The following ARHGDIB variants were observed in gnomAD, a reference collection of about 807,000 sequenced individuals.
ARHGDIB encodes the protein Rho GDP dissociation inhibitor beta.
Under a neutral mutation model 22.6 loss-of-function variants are expected in ARHGDIB, and 20 were observed. That is an observed-to-expected ratio of 0.88 (90% CI 0.62 to 1.28). The LOEUF is 1.28. Among genes scored for constraint, ARHGDIB ranks in the 50% most tolerant of loss-of-function variants. The pLI, the probability that ARHGDIB is intolerant of heterozygous loss-of-function variation, is 0.00. For synonymous variants in ARHGDIB, 114 were observed against 96.1 expected, an observed-to-expected ratio of 1.19 and a Z score of -1.09; for missense variants, 254 against 245.4, an observed-to-expected ratio of 1.04 and a Z score of -0.23.
At chr12:14,945,199 A>G (rs908020315) in intron 4 of ARHGDIB, among the ~76,000 whole-genome samples, 2 of 152,196 alleles carry the variant, frequency 1.3e-5, no homozygotes, top group Non-Finnish European at 2.9e-5. Flanking sequence ...TGACCAAGAG[A>G]CCATCCTTGT....
At chr12:14,949,743 C>T in intron 3 of ARHGDIB, 59 bp downstream of exon 3, 1 of 1,525,946 alleles carries the variant, frequency 6.6e-7, no homozygotes, top group Admixed American at 1.7e-5. Flanking sequence ...GAGACAGAGA[C>T]CAAGTTTTCT....
chr12:14,947,053 A>T lies in ARHGDIB; in HGVS notation c.342+820T>A, dbSNP rs1307290493. Among the ~76,000 whole-genome samples the T allele has an allele frequency of 3.3e-5, 5 of 152,182 alleles. No individual in the cohort carries two copies. In the East Asian group the frequency reaches 9.6e-4, roughly 29 times the overall value. On this transcript the variant is annotated intron_variant, in intron 4 of 5. Coordinates refer to ENST00000228945, the MANE Select transcript of ARHGDIB (RefSeq NM_001175.7). ...ATCATATCCTGTACCTTGGGGAAAA[A>T]AGTTCCCAGTGTGCAAATAGAGAGA...
chr12:14,953,318 A>G (rs1053978351), intron 1 of ARHGDIB, among the ~76,000 whole-genome samples: 1 of 152,206 alleles, frequency 6.6e-6, no homozygotes, highest in African/African-American at 2.4e-5. Context: ...GGTGATCCCA[A>G]ACTAGCTCAT....
At chr12:14,948,095 T>A (rs528650483) in intron 3 of ARHGDIB, 146 bp from the exon 4 acceptor site, 2 of 433,390 alleles carry the variant, frequency 4.6e-6, no homozygotes, top group Non-Finnish European at 4.3e-6. Flanking sequence ...TTGAGTTTAG[T>A]CCTTGCACAC....
At chr12:14,949,164 T>C (rs1864104811) in intron 3 of ARHGDIB, among the ~76,000 whole-genome samples, 1 of 152,160 alleles carries the variant, frequency 6.6e-6, no homozygotes, top group Non-Finnish European at 1.5e-5. Context: ...TCTCCTCTCA[T>C]ATCCCCTCTG....
At chr12:14,948,639 T>A (rs563198113) in intron 3 of ARHGDIB, among the ~76,000 whole-genome samples, 1 of 152,220 alleles carries the variant, frequency 6.6e-6, no homozygotes, top group East Asian at 1.9e-4. Flanking sequence ...CTTTTCTTCA[T>A]GCATAGCAGC....
At chr12:14,953,192 G>A (rs970954543) in intron 1 of ARHGDIB, among the ~76,000 whole-genome samples, 3 of 152,164 alleles carry the variant, frequency 2.0e-5, no homozygotes, top group Admixed American at 2.0e-4. Context: ...ATTAAAGAGT[G>A]GAGGATACTG....
intron 1 of ARHGDIB, among the ~76,000 whole-genome samples, chr12:14,953,906 TTCTC>T (rs1174704376): frequency 2.7e-5 from 4 of 150,742 alleles, no homozygotes; most frequent in East Asian, 2.0e-4. Context: ...CCTTCTTTCT[TTCTC>T]TCTCTCTCTC....
Position 14,942,290 on chromosome 12 carries a change from G to C in ARHGDIB, c.*232C>G. 1 of 557,592 alleles carries C rather than the reference G, an allele frequency of 1.8e-6. No homozygotes were observed. Among genetic ancestry groups the C allele is most frequent in the Non-Finnish European group, 3.2e-6 (1 of 310,044 alleles). 34.5% of individuals were successfully genotyped at this position (557,592 alleles called of 1,614,324 possible). A position where few individuals can be genotyped will look rare whatever the true frequency, so the allele number is the denominator to read the frequency against. Reference sequence around the variant, plus strand: ...GATTGTGTACTGAGATGGAGACGTGGAAGATCTGGCCCTGATGGAGGATCA... The same window carrying C: ...GATTGTGTACTGAGATGGAGACGTGCAAGATCTGGCCCTGATGGAGGATCA... On this transcript the variant is annotated 3_prime_UTR_variant, in exon 6 of 6. Coordinates refer to ENST00000228945, the MANE Select transcript of ARHGDIB (RefSeq NM_001175.7).
chr12:14,949,993 T>C (rs1467644471), intron 2 of ARHGDIB, 108 bp from the exon 3 acceptor site: 1 of 1,005,806 alleles, frequency 9.9e-7, no homozygotes, highest in Non-Finnish European at 1.5e-6. Flanking sequence ...GATCTTTCTA[T>C]CTGGAGTAGA....
intron 1 of ARHGDIB, among the ~76,000 whole-genome samples, chr12:14,956,835 C>G (rs1864310305): frequency 6.6e-6 from 1 of 152,174 alleles, no homozygotes; most frequent in Non-Finnish European, 1.5e-5. Context: ...TCTTCTCAGG[C>G]TCAATTAAAA....
chr12:14,953,972 TC>T (rs1277843716), intron 1 of ARHGDIB, among the ~76,000 whole-genome samples: 15 of 150,886 alleles, frequency 9.9e-5, no homozygotes, highest in African/African-American at 3.7e-4. Flanking sequence ...CTTCCTTCCT[TC>T]CTTTCTTCTT....
At chr12:14,943,290 C>T (rs1259591174) in intron 5 of ARHGDIB, among the ~76,000 whole-genome samples, 2 of 151,998 alleles carry the variant, frequency 1.3e-5, no homozygotes, top group East Asian at 3.9e-4. Flanking sequence ...CTGTGGGTCC[C>T]AGGGATCAGT....
intron 1 of ARHGDIB, among the ~76,000 whole-genome samples, chr12:14,955,466 T>C (rs1401481035): frequency 6.6e-6 from 1 of 152,178 alleles, no homozygotes; most frequent in Non-Finnish European, 1.5e-5. Flanking sequence ...ATTGTATATA[T>C]TTAAGATGTA....
chr12:14,942,474 TGA>T lies in ARHGDIB; in HGVS notation c.*46_*47del, dbSNP rs1650585992. ...GGAGGGACAGGGTGCTGAACACGCCTGAGAGAATTCTTCCAGGTGGCAAGGGT... is the reference window on the plus strand; with the variant it reads ...GGAGGGACAGGGTGCTGAACACGCCTGAGAATTCTTCCAGGTGGCAAGGGT... On this transcript the variant is annotated 3_prime_UTR_variant, in exon 6 of 6. Transcript: ENST00000228945. 4.4e-6 allele frequency: 7 copies of T among 1,607,284 alleles called. 1 individual carries two copies. The highest frequency in any genetic ancestry group is 1.9e-4 in the Middle Eastern group (1 of 5,274).
In ARHGDIB at chr12:14,961,557, G is replaced by C. The variant is rs1401320637; in HGVS notation, c.-33C>G. On this transcript the variant is annotated 5_prime_UTR_variant, in exon 1 of 6. Transcript: ENST00000228945. ...CTTACATTCAGTGCTTCACGTCTCTGTCCGGGGTGCCTCTGTCTCTCAACT... is the reference window on the plus strand; with the variant it reads ...CTTACATTCAGTGCTTCACGTCTCTCTCCGGGGTGCCTCTGTCTCTCAACT... The C allele has an allele frequency of 2.6e-5, 4 of 152,232 alleles. No homozygotes were observed. The highest frequency in any genetic ancestry group is 5.9e-5 in the Non-Finnish European group (4 of 68,072). The allele number at this position is 152,232 out of a possible 1,614,324, so 9.4% of individuals were successfully genotyped here. A position where few individuals can be genotyped will look rare whatever the true frequency, so the allele number is the denominator to read the frequency against.
At position 14,959,541 on chromosome 12, in the gene ARHGDIB, T is replaced by G. The variant is rs1255543194; in HGVS notation, c.-13+1996A>C. On this transcript the variant is annotated intron_variant, in intron 1 of 5. Transcript: ENST00000228945. ...ATAGAAGGCACTCAATGAATGTTGG[T>G]TCTCCTTTTCTATCTGCATAATTTC... is the stretch of plus-strand genomic sequence containing the variant. Among the ~76,000 whole-genome samples, 3 of 152,174 alleles carry G rather than the reference T, an allele frequency of 2.0e-5. 1 individual carries two copies. The East Asian group carries it at 5.8e-4, about 29-fold the overall frequency.
chr12:14,949,160 C>G (rs1011803960), intron 3 of ARHGDIB, among the ~76,000 whole-genome samples: 1 of 152,090 alleles, frequency 6.6e-6, no homozygotes, highest in Non-Finnish European at 1.5e-5. Context: ...TGCTTCTCCT[C>G]TCATATCCCC....
chr12:14,946,859 A>T (rs1055409681), intron 4 of ARHGDIB, among the ~76,000 whole-genome samples: 3 of 152,236 alleles, frequency 2.0e-5, no homozygotes, highest in Non-Finnish European at 4.4e-5. Context: ...TTTTGATATA[A>T]TGCCTTACCA....
Sources: allele counts gnomAD v4.1 joint callset (sites outside exome capture counted in the v4.1 genomes callset), GRCh38; gene constraint gnomAD v4.1.1; transcripts MANE v1.5; gene names NCBI Gene and HGNC (gene_info 2026-07-23, HGNC 2026-07-21).